Variants in IL1RAPL1 observed in about 807,000 individuals in gnomAD.
IL1RAPL1 encodes interleukin 1 receptor accessory protein like 1.
IL1RAPL1 carries 3 observed loss-of-function variants against 48.4 expected under a neutral mutation model. That is an observed-to-expected ratio of 0.06 (90% CI 0.03 to 0.16). The LOEUF (loss-of-function observed/expected upper bound fraction) is 0.16, where lower values mean the gene tolerates loss of function less well. Ranked by LOEUF, IL1RAPL1 falls within the 10% of genes least tolerant of loss-of-function variation. The probability of loss-of-function intolerance (pLI) is 1.00; values close to 1 mark genes in which losing one functional copy is unlikely to be tolerated. For synonymous variants in IL1RAPL1, 185 were observed against 187.7 expected (o/e 0.99, Z 0.12); for missense variants, 349 against 530.6 (o/e 0.66, Z 3.36).
intron 1 of IL1RAPL1, among the ~76,000 whole-genome samples, chrX:28,589,034 C>A (rs757826112): frequency 8.9e-6 from 1 of 111,741 alleles, no homozygotes; most frequent in African/African-American, 3.2e-5. Flanking sequence ...GATGTTTAAG[C>A]ATATTCTGCC....
At chrX:29,271,825 C>T (rs61439697) in intron 2 of IL1RAPL1, among the ~76,000 whole-genome samples, 4,223 of 111,815 alleles carry the variant, frequency 0.038, 207 homozygotes, top group African/African-American at 0.13. Context: ...TGTATGTTTA[C>T]TCTCTTGATA....
intron 2 of IL1RAPL1, among the ~76,000 whole-genome samples, chrX:29,199,427 T>A (rs1930510292): frequency 9.0e-6 from 1 of 111,601 alleles, no homozygotes. Flanking sequence ...GTTAATTACC[T>A]CAAATAATAA....
chrX:29,328,669 AGAGAGAGAGAGG>A (rs1215349062), intron 3 of IL1RAPL1, among the ~76,000 whole-genome samples: 1 of 107,987 alleles, frequency 9.3e-6, no homozygotes, highest in African/African-American at 3.4e-5. Context: ...AGAGAGAGAC[AGAGAGAGAGAGG>A]GAGAGAGAGA....
At chrX:29,840,905 C>T (rs1293472812) in intron 6 of IL1RAPL1, among the ~76,000 whole-genome samples, 1 of 111,645 alleles carries the variant, frequency 9.0e-6, no homozygotes, top group African/African-American at 3.3e-5. Context: ...ATGAATAATC[C>T]AATAACCAAT....
chrX:29,901,220 C>T (rs1402951908), intron 6 of IL1RAPL1, among the ~76,000 whole-genome samples: 2 of 111,838 alleles, frequency 1.8e-5, no homozygotes, highest in Non-Finnish European at 3.8e-5. Context: ...AGGCACATGG[C>T]CACATGTAGC....
intron 6 of IL1RAPL1, among the ~76,000 whole-genome samples, chrX:29,723,705 C>T (rs758222341): frequency 8.9e-6 from 1 of 112,576 alleles, no homozygotes; most frequent in Non-Finnish European, 1.9e-5. Flanking sequence ...TTTCTAGATA[C>T]TTTATCTTCC....
rs1404148133 is a variant in IL1RAPL1, at chrX:28,615,939, A to G, written c.-25+27892A>G. Among the ~76,000 whole-genome samples the G allele has an allele frequency of 9.8e-5, 11 of 111,861 alleles. 1 individual carries two copies. The South Asian group carries it at 4.1e-3, about 42-fold the overall frequency. ...TAAACTAAAATGTCAAAAATACTTAAATAATAGTAATAATAATAATTGTGT... is the reference window on the plus strand; with the variant it reads ...TAAACTAAAATGTCAAAAATACTTAGATAATAGTAATAATAATAATTGTGT... On this transcript the variant is annotated intron_variant, in intron 1 of 10. Transcript: ENST00000378993.
intron 3 of IL1RAPL1, among the ~76,000 whole-genome samples, chrX:29,394,331 A>T (rs1400484776): frequency 9.0e-6 from 1 of 111,539 alleles, no homozygotes; most frequent in Non-Finnish European, 1.9e-5. Context: ...TCCAAATTTC[A>T]TCATTCCTTA....
At chrX:28,931,685 G>A (rs1923883572) in intron 2 of IL1RAPL1, among the ~76,000 whole-genome samples, 1 of 111,317 alleles carries the variant, frequency 9.0e-6, no homozygotes, top group Non-Finnish European at 1.9e-5. Context: ...ATATTTTATT[G>A]CCTATAAAAA....
intron 6 of IL1RAPL1, among the ~76,000 whole-genome samples, chrX:29,738,433 A>AT (rs1928103993): frequency 3.3e-5 from 3 of 90,339 alleles, no homozygotes; most frequent in Admixed American, 1.2e-4. Flanking sequence ...ATTTCATTTC[A>AT]TTTTTTCTTT....
intron 2 of IL1RAPL1, among the ~76,000 whole-genome samples, chrX:28,900,958 T>C (rs1923060030): frequency 8.9e-6 from 1 of 112,026 alleles, no homozygotes; most frequent in African/African-American, 3.2e-5. Context: ...GTCCATTACA[T>C]AGTACAAAGA....
At chrX:29,824,904 G>GTTTT (rs758222398) in intron 6 of IL1RAPL1, among the ~76,000 whole-genome samples, 1 of 92,473 alleles carries the variant, frequency 1.1e-5, no homozygotes, top group African/African-American at 3.9e-5. Context: ...ACCAGAACAT[G>GTTTT]TTTTTTTTTT....
intron 2 of IL1RAPL1, among the ~76,000 whole-genome samples, chrX:29,045,956 C>CTTCTTCCTCT: frequency 1.3e-5 from 1 of 74,901 alleles, no homozygotes; most frequent in Non-Finnish European, 2.5e-5. Context: ...CCTCCTCCTC[C>CTTCTTCCTCT]TCCTCCTCCT....
At chrX:29,518,411 T>G (rs1275574990) in intron 5 of IL1RAPL1, among the ~76,000 whole-genome samples, 1 of 110,682 alleles carries the variant, frequency 9.0e-6, no homozygotes, top group Non-Finnish European at 1.9e-5. Flanking sequence ...GGAGCACAGT[T>G]TGAGTAGCAA....
chrX:28,624,194 C>T (rs1934314408), intron 1 of IL1RAPL1, among the ~76,000 whole-genome samples: 1 of 111,458 alleles, frequency 9.0e-6, no homozygotes, highest in Non-Finnish European at 1.9e-5. Context: ...AATTCTCTTA[C>T]TTTTCTTTTC....
intron 1 of IL1RAPL1, among the ~76,000 whole-genome samples, chrX:28,786,331 G>C (rs757724665): frequency 2.4e-4 from 26 of 110,629 alleles, no homozygotes; most frequent in African/African-American, 8.2e-4. Flanking sequence ...CGAGTATGGT[G>C]GTGGGCGCCT....
chrX:29,707,083 C>T, intron 6 of IL1RAPL1, among the ~76,000 whole-genome samples: 1 of 111,104 alleles, frequency 9.0e-6, no homozygotes, highest in Non-Finnish European at 1.9e-5. Context: ...AGAACTCAAA[C>T]AAATCAGCGA....
chrX:28,924,037 T>C (rs1008936431), intron 2 of IL1RAPL1: 25 of 111,570 alleles, frequency 2.2e-4, no homozygotes, highest in African/African-American at 8.1e-4. Context: ...ATATACAAGA[T>C]TTCAATTTGT....
intron 2 of IL1RAPL1, among the ~76,000 whole-genome samples, chrX:28,818,580 A>G (rs1015367956): frequency 9.0e-6 from 1 of 110,945 alleles, no homozygotes; most frequent in African/African-American, 3.3e-5. Flanking sequence ...CTTTCATCTT[A>G]GACTCTGAAA....
Sources: allele counts gnomAD v4.1 joint callset (sites outside exome capture counted in the v4.1 genomes callset), GRCh38; gene constraint gnomAD v4.1.1; transcripts MANE v1.5; gene names NCBI Gene and HGNC (gene_info 2026-07-23, HGNC 2026-07-21).